Variants in DLG2 observed in about 807,000 individuals in gnomAD.
DLG2 encodes disks large homolog 2.
A neutral mutation model predicts 132.5 loss-of-function variants in DLG2; 45 were observed. The ratio of observed to expected loss-of-function variants is 0.34; its 90% CI spans 0.27 to 0.44. DLG2 has a LOEUF of 0.44. Ranked by LOEUF, DLG2 falls within the 20% of genes least tolerant of loss-of-function variation. The probability of loss-of-function intolerance (pLI) is 1.00; values close to 1 mark genes in which losing one functional copy is unlikely to be tolerated. For missense variants in DLG2, 1,045 were observed against 1,196.9 expected, an observed-to-expected ratio of 0.87 and a Z score of 1.87; for synonymous variants, 424 against 419.6, an observed-to-expected ratio of 1.01 and a Z score of -0.13.
chr11:85,479,626 A>G (rs888456293), intron 3 of DLG2, among the ~76,000 whole-genome samples: 1 of 152,206 alleles, frequency 6.6e-6, no homozygotes, highest in African/African-American at 2.4e-5. Flanking sequence ...GGAAAATGCA[A>G]ATTAAAACCA....
intron 7 of DLG2, among the ~76,000 whole-genome samples, chr11:84,383,708 T>G (rs2098757313): frequency 6.6e-6 from 1 of 152,034 alleles, no homozygotes; most frequent in Admixed American, 6.6e-5. Flanking sequence ...AGGAAATACA[T>G]TCTGTTAACA....
At chr11:84,097,137 T>C (rs539987509) in intron 10 of DLG2, among the ~76,000 whole-genome samples, 2 of 152,334 alleles carry the variant, frequency 1.3e-5, no homozygotes, top group African/African-American at 4.8e-5. Context: ...AAAGTCATTC[T>C]TACCTACAGG....
At position 85,399,754 on chromosome 11, in the gene DLG2, T is replaced by C. The variant is rs1037649798; in HGVS notation, c.41-114389A>G. On this transcript the variant is annotated intron_variant, in intron 3 of 27. Coordinates refer to ENST00000376104, the MANE Select transcript of DLG2 (RefSeq NM_001142699.3). ...TGTAGAAAGCTGAAACTGGATCCCC[T>C]CCTTACACCTTATACAAAAATTAAT... Among the ~76,000 whole-genome samples the C allele has an allele frequency of 7.9e-5, 12 of 152,268 alleles. No homozygotes were observed. In the South Asian group the frequency reaches 2.5e-3, roughly 32 times the overall value.
chr11:84,204,277 A>G (rs2096637029), intron 8 of DLG2, among the ~76,000 whole-genome samples: 1 of 152,232 alleles, frequency 6.6e-6, no homozygotes, highest in Admixed American at 6.5e-5. Flanking sequence ...TTTTTAAAGC[A>G]AACAACGTTT....
chr11:84,488,341 G>T (rs969853222), intron 7 of DLG2, among the ~76,000 whole-genome samples: 1 of 152,098 alleles, frequency 6.6e-6, no homozygotes. Flanking sequence ...ATAAAGTTCG[G>T]GTAAGGATGG....
At chr11:83,538,936 A>G (rs2095976865) in intron 20 of DLG2, among the ~76,000 whole-genome samples, 1 of 152,202 alleles carries the variant, frequency 6.6e-6, no homozygotes, top group Non-Finnish European at 1.5e-5. Flanking sequence ...TGTAGGGGGC[A>G]AGATTTCATA....
chr11:84,957,979 C>G (rs1335801553), intron 6 of DLG2, among the ~76,000 whole-genome samples: 1 of 151,968 alleles, frequency 6.6e-6, no homozygotes, highest in Admixed American at 6.6e-5. Flanking sequence ...TGAGACAGAT[C>G]AGTGTTTGAG....
At chr11:84,087,284 G>A (rs1441902143) in intron 10 of DLG2, among the ~76,000 whole-genome samples, 1 of 152,124 alleles carries the variant, frequency 6.6e-6, no homozygotes, top group Admixed American at 6.6e-5. Flanking sequence ...CATGCTGAGG[G>A]TTCTGATTCT....
intron 4 of DLG2, among the ~76,000 whole-genome samples, chr11:85,273,677 C>T (rs186388860): frequency 5.9e-5 from 9 of 152,326 alleles, no homozygotes; most frequent in African/African-American, 1.7e-4. Context: ...CTAGTTCAAC[C>T]ATTGTGGAAG....
At chr11:84,090,583 C>G (rs181574338) in intron 10 of DLG2, among the ~76,000 whole-genome samples, 6 of 152,118 alleles carry the variant, frequency 3.9e-5, no homozygotes, top group Non-Finnish European at 8.8e-5. Context: ...CTTGGACATA[C>G]GTGTATGCCA....
chr11:84,219,879 T>A (rs1333671575), intron 8 of DLG2, among the ~76,000 whole-genome samples: 1 of 152,252 alleles, frequency 6.6e-6, no homozygotes, highest in African/African-American at 2.4e-5. Flanking sequence ...TATATACATG[T>A]ACTGTAACTT....
rs5793156 is a variant in DLG2 at position 85,107,927 on chromosome 11, TAAAAAAAAAAAA to T, written c.357+3722_357+3733del. 1.9e-4 allele frequency among the ~76,000 whole-genome samples: 5 copies of T among 26,270 alleles called. No individual in the cohort carries two copies. In the East Asian group the frequency reaches 5.6e-3, roughly 30 times the overall value. The allele number at this position is 26,270 out of a possible 152,430, so 17.2% of individuals were successfully genotyped here. ...TAGTTACTACTGAAAGGACAAGTCT[TAAAAAAAAAAAA>T]AAAAAAAAAAAAAAGCCTCTCAGCC... is the stretch of plus-strand genomic sequence containing the variant. On this transcript the variant is annotated intron_variant, in intron 6 of 27. Coordinates refer to ENST00000376104, the MANE Select transcript of DLG2 (RefSeq NM_001142699.3).
At chr11:84,798,127 A>C (rs1362274033) in intron 6 of DLG2, among the ~76,000 whole-genome samples, 2 of 152,190 alleles carry the variant, frequency 1.3e-5, no homozygotes, top group Non-Finnish European at 2.9e-5. Flanking sequence ...AGATCTGAAG[A>C]GAATAGAGCA....
chr11:84,163,938 T>C (rs2095605314), intron 8 of DLG2, among the ~76,000 whole-genome samples: 1 of 152,194 alleles, frequency 6.6e-6, no homozygotes, highest in Non-Finnish European at 1.5e-5. Context: ...TGTTCCATTT[T>C]TGAATAGAAA....
At chr11:85,346,152 G>C (rs2082828559) in intron 3 of DLG2, among the ~76,000 whole-genome samples, 1 of 151,708 alleles carries the variant, frequency 6.6e-6, no homozygotes, top group African/African-American at 2.4e-5. Flanking sequence ...GATGTGCTCT[G>C]CTACAAGGGT....
intron 17 of DLG2, among the ~76,000 whole-genome samples, chr11:83,825,945 A>C (rs536358843): frequency 4.6e-5 from 7 of 152,280 alleles, no homozygotes; most frequent in Non-Finnish European, 1.0e-4. Context: ...ATAGGTAAAG[A>C]AAAATCCAGA....
At position 84,264,490 on chromosome 11, in the gene DLG2, G is replaced by A. The variant is rs568823182; in HGVS notation, c.520-13199C>T. ...GGAGGAATATTATCTGTTGCTGTGG[G>A]CTAGAGGAGAGATGGGGAAATAACA... On this transcript the variant is annotated intron_variant, in intron 7 of 27. Coordinates refer to ENST00000376104, the MANE Select transcript of DLG2 (RefSeq NM_001142699.3). Among the ~76,000 whole-genome samples the A allele has an allele frequency of 5.3e-5, 8 of 152,294 alleles. No homozygotes were observed. The East Asian group carries it at 1.3e-3, about 26-fold the overall frequency.
At chr11:85,239,880 A>G (rs1438046580) in intron 4 of DLG2, among the ~76,000 whole-genome samples, 1 of 151,956 alleles carries the variant, frequency 6.6e-6, no homozygotes, top group African/African-American at 2.4e-5. Flanking sequence ...TTCAAACTCT[A>G]CAAAATCTGT....
chr11:84,403,110 T>G (rs1232739073), intron 7 of DLG2, among the ~76,000 whole-genome samples: 4 of 152,022 alleles, frequency 2.6e-5, no homozygotes, highest in African/African-American at 4.8e-5. Flanking sequence ...GAAGATATCC[T>G]CTATCAGTAG....
Sources: gnomAD v4.1 joint callset for allele counts (sites outside exome capture counted in the v4.1 genomes callset) on GRCh38, gnomAD v4.1.1 for gene constraint, MANE v1.5 for transcripts, NCBI Gene and HGNC (gene_info 2026-07-23, HGNC 2026-07-21) for gene names.